The following TMEM263 variants were observed in gnomAD, a reference collection of about 807,000 sequenced individuals.
TMEM263 encodes the protein transmembrane protein 263.
TMEM263 carries 5 observed loss-of-function variants against 8.6 expected under a neutral mutation model. The ratio of observed to expected loss-of-function variants is 0.58; its 90% CI spans 0.31 to 1.23. The LOEUF (loss-of-function observed/expected upper bound fraction) is 1.23, where lower values mean the gene tolerates loss of function less well. TMEM263 is among the 50% of genes most tolerant of loss of function. The probability of loss-of-function intolerance (pLI) is 0.07; values close to 1 mark genes in which losing one functional copy is unlikely to be tolerated. For synonymous variants in TMEM263, 50 were observed against 47.9 expected (o/e 1.04, Z -0.18); for missense variants, 104 against 138.8 (o/e 0.75, Z 1.26).
chr12:106,971,167 T>C lies in TMEM263; in HGVS notation c.127T>C (p.Phe43Leu). The change falls in exon 4 of 4, where the codon TTC becomes CTC. Residue 43 changes from phenylalanine to leucine, a missense_variant. Coordinates refer to ENST00000280756, the MANE Select transcript of TMEM263 (RefSeq NM_152261.4). ...GMLSRVTGGI[F>L]SVTKGAVGAT... ...GTTGTCCCGTGTGACTGGGGGTATCTTCAGTGTTACAAAGGGAGCTGTTGG... is the reference window on the plus strand; with the variant it reads ...GTTGTCCCGTGTGACTGGGGGTATCCTCAGTGTTACAAAGGGAGCTGTTGG... 1 of 1,614,212 alleles carries C rather than the reference T, an allele frequency of 6.2e-7. No homozygotes were observed. The highest frequency in any genetic ancestry group is 2.2e-5 in the East Asian group (1 of 44,884).
rs1484947646 is a variant in TMEM263 at position 106,972,959 on chromosome 12, A to G, written c.*1568A>G. On this transcript the variant is annotated 3_prime_UTR_variant, in exon 4 of 4. Transcript: ENST00000280756. ...CATGCCTGAAAATTTGAAACAGACC[A>G]TTCTAACACCCAAGGCTTGTTTATA... 6.6e-6 allele frequency: 1 copy of G among 151,238 alleles called. No homozygotes were observed. 9.4% of individuals were successfully genotyped at this position (151,238 alleles called of 1,614,324 possible).
At chr12:106,958,340 C>A (rs1951727769) in intron 2 of TMEM263, among the ~76,000 whole-genome samples, 1 of 152,070 alleles carries the variant, frequency 6.6e-6, no homozygotes, top group Non-Finnish European at 1.5e-5. Flanking sequence ...TGAAATATTA[C>A]TGAAACCCAC....
intron 1 of TMEM263, among the ~76,000 whole-genome samples, chr12:106,956,348 TG>T (rs1487465205): frequency 6.6e-6 from 1 of 151,640 alleles, no homozygotes; most frequent in African/African-American, 2.4e-5. Context: ...TCTTAGCATC[TG>T]GGGGTTCGGG....
At chr12:106,956,647 T>C (rs1435933914) in intron 1 of TMEM263, 1 of 152,268 alleles carries the variant, frequency 6.6e-6, no homozygotes, top group East Asian at 1.9e-4. Context: ...GTGCCGTCAC[T>C]GCCTCCCAGT....
At chr12:106,958,123 CT>C (rs1951724835) in intron 2 of TMEM263, among the ~76,000 whole-genome samples, 3 of 152,050 alleles carry the variant, frequency 2.0e-5, no homozygotes, top group Admixed American at 2.0e-4. Flanking sequence ...TCGTCTTTTT[CT>C]ATTATAGGGA....
intron 1 of TMEM263, 36 bp downstream of exon 1, chr12:106,956,101 C>T: frequency 5.2e-6 from 5 of 954,324 alleles, no homozygotes; most frequent in Non-Finnish European, 6.2e-6. Flanking sequence ...GGGGCGCAGT[C>T]CCGGCTTCCT....
chr12:106,971,509 G>GA lies in TMEM263; in HGVS notation c.*121dup, dbSNP rs1217393413. On this transcript the variant is annotated 3_prime_UTR_variant, in exon 4 of 4. Transcript: ENST00000280756. ...CGTTTATCTTCTAAACTGCTGTGTT[G>GA]AAAGTATTGATGACTGGCTTTCATC... The GA allele has an allele frequency of 2.9e-6, 3 of 1,043,284 alleles. No homozygotes were observed. The Admixed American group carries it at 8.9e-5, about 31-fold the overall frequency. 64.6% of individuals were successfully genotyped at this position (1,043,284 alleles called of 1,614,324 possible).
In TMEM263 at chr12:106,972,762, T is replaced by C. The variant is rs1202438878; in HGVS notation, c.*1371T>C. The C allele has an allele frequency of 1.3e-5, 2 of 152,114 alleles. No individual in the cohort carries two copies. The highest frequency in any genetic ancestry group is 6.5e-5 in the Admixed American group (1 of 15,274). 9.4% of individuals were successfully genotyped at this position (152,114 alleles called of 1,614,324 possible). ...TAAAACGTTTAACAATTGGCATATA[T>C]ACTTGGCATTCCTGTCCACCAAGGA... is the stretch of plus-strand genomic sequence containing the variant. On this transcript the variant is annotated 3_prime_UTR_variant, in exon 4 of 4. Coordinates refer to ENST00000280756, the MANE Select transcript of TMEM263 (RefSeq NM_152261.4).
At chr12:106,956,779 G>A (rs1433356145) in intron 1 of TMEM263, 1 of 152,416 alleles carries the variant, frequency 6.6e-6, no homozygotes, top group African/African-American at 2.4e-5. Context: ...CTTCGGGAGT[G>A]GGGGGAGTGC....
chr12:106,962,126 A>G (rs1290513111), intron 2 of TMEM263, among the ~76,000 whole-genome samples: 1 of 152,196 alleles, frequency 6.6e-6, no homozygotes, highest in Non-Finnish European at 1.5e-5. Context: ...AAAATACTAT[A>G]TACAAATACT....
At chr12:106,965,826 G>A (rs1385366763) in intron 2 of TMEM263, among the ~76,000 whole-genome samples, 2 of 151,584 alleles carry the variant, frequency 1.3e-5, no homozygotes, top group Non-Finnish European at 2.9e-5. Flanking sequence ...AGTAAATTTT[G>A]AATTCTGTTA....
At chr12:106,959,518 C>T (rs1951741050) in intron 2 of TMEM263, 1 of 152,184 alleles carries the variant, frequency 6.6e-6, no homozygotes. Context: ...GCTGGGATTA[C>T]AGGCCCATTT....
rs181101012 is a variant in TMEM263 at position 106,971,295 on chromosome 12, G to T, written c.255G>T (p.Gly85=). 5.6e-6 allele frequency: 9 copies of T among 1,614,198 alleles called. No homozygotes were observed. The Admixed American group carries it at 1.0e-4, about 18-fold the overall frequency. The part of the protein sequence containing the change: ...VPSMGIGLVK[G]GVSAVAGGVT... ...CCATGGGAATAGGGCTGGTGAAAGG[G>T]GGTGTCTCTGCTGTGGCTGGAGGTG... Residue 85 remains glycine, a synonymous_variant, in exon 4 of 4, where the codon GGG becomes GGT. Coordinates refer to ENST00000280756, the MANE Select transcript of TMEM263 (RefSeq NM_152261.4).
rs199982435 is a variant in TMEM263 at position 106,965,605 on chromosome 12, CAA to C, written c.-6-1490_-6-1489del. Among the ~76,000 whole-genome samples, 251 of 115,648 alleles carry C rather than the reference CAA, an allele frequency of 2.2e-3. 1 individual carries two copies. Among genetic ancestry groups the C allele is most frequent in the African/African-American group, 6.5e-3 (218 of 33,764 alleles). 75.9% of individuals were successfully genotyped at this position (115,648 alleles called of 152,430 possible). A position where few individuals can be genotyped will look rare whatever the true frequency, so the allele number is the denominator to read the frequency against. On this transcript the variant is annotated intron_variant, in intron 2 of 3. Coordinates refer to ENST00000280756, the MANE Select transcript of TMEM263 (RefSeq NM_152261.4). ...TGGGCGACAGAGTGAGACTCTGTCT[CAA>C]AAAAAAAAAAAAAAATCACACAAAA...
intron 2 of TMEM263, among the ~76,000 whole-genome samples, chr12:106,962,028 T>C (rs1232778654): frequency 2.0e-5 from 3 of 152,220 alleles, no homozygotes; most frequent in Non-Finnish European, 4.4e-5. Context: ...AAAATATGTA[T>C]TTTTCTTTAA....
At chr12:106,958,641 G>A (rs567188397) in intron 2 of TMEM263, among the ~76,000 whole-genome samples, 1 of 152,338 alleles carries the variant, frequency 6.6e-6, no homozygotes, top group African/African-American at 2.4e-5. Flanking sequence ...AACCAGTTTA[G>A]TTGGTATTGT....
chr12:106,967,026 G>T, intron 2 of TMEM263, 85 bp from the exon 3 acceptor site: 1 of 846,282 alleles, frequency 1.2e-6, no homozygotes, highest in Non-Finnish European at 1.9e-6. Context: ...GAATAATGTT[G>T]ATGAAATCGC....
rs1306179036 is a variant in TMEM263 at position 106,967,182 on chromosome 12, T to C, written c.64+2T>C. ...ACCTTAATGATGAACCACCAGAAGG[T>C]AAGTATGCATCTGTAACACTAAGAA... is the stretch of plus-strand genomic sequence containing the variant. On this transcript the variant is annotated splice_donor_variant, in intron 3 of 3. Coordinates refer to ENST00000280756, the MANE Select transcript of TMEM263 (RefSeq NM_152261.4). LOFTEE classifies it high-confidence loss of function. The C allele has an allele frequency of 6.4e-7, 1 of 1,559,394 alleles. No individual in the cohort carries two copies.
At chr12:106,964,147 T>C (rs1951815034) in intron 2 of TMEM263, among the ~76,000 whole-genome samples, 1 of 152,210 alleles carries the variant, frequency 6.6e-6, no homozygotes. Context: ...GGGAAGTAAG[T>C]GGCTTCAAAA....
Sources: allele counts gnomAD v4.1 joint callset (sites outside exome capture counted in the v4.1 genomes callset), GRCh38; gene constraint gnomAD v4.1.1; transcripts MANE v1.5; gene names NCBI Gene and HGNC (gene_info 2026-07-23, HGNC 2026-07-21).